The following NOS1 variants were observed in gnomAD, a reference collection of about 807,000 sequenced individuals.
The protein encoded by NOS1 is nitric oxide synthase 1, also known as NOS type I.
In NOS1, 51 loss-of-function variants were observed where a neutral mutation model predicts 164.5. The observed-to-expected ratio is 0.31, with a 90% CI of 0.25 to 0.39. The LOEUF is 0.39. Ranked by LOEUF, NOS1 falls within the 10% of genes least tolerant of loss-of-function variation. The pLI, the probability that NOS1 is intolerant of heterozygous loss-of-function variation, is 1.00. For synonymous variants in NOS1, 719 were observed against 745.8 expected (o/e 0.96, Z 0.59); for missense variants, 1,362 against 1,885.6 (o/e 0.72, Z 5.14).
At position 117,307,992 on chromosome 12, in the gene NOS1, A is replaced by G. The variant is rs887089991; in HGVS notation, c.852+3474T>C. 2.0e-5 allele frequency among the ~76,000 whole-genome samples: 3 copies of G among 149,824 alleles called. No homozygotes were observed. The South Asian group carries it at 6.4e-4, about 32-fold the overall frequency. ...ACAGCACCAGAGACTCTGTCTCACA[A>G]TAAATAATAATAATAATAATAATAA... On this transcript the variant is annotated intron_variant, in intron 3 of 28. Coordinates refer to ENST00000317775, the MANE Select transcript of NOS1 (RefSeq NM_000620.5).
chr12:117,299,348 G>T (rs957090283), intron 3 of NOS1, among the ~76,000 whole-genome samples: 2 of 152,122 alleles, frequency 1.3e-5, no homozygotes, highest in African/African-American at 4.8e-5. Context: ...ATAGAAACTT[G>T]ACATTGCTGG....
chr12:117,214,207 A>G lies in NOS1; in HGVS notation c.*1102T>C. ...CCCGCTTTGGGGGAATAAAAAAATAATAATCATATTGTTACTTGATATTGT... is the reference window on the plus strand; with the variant it reads ...CCCGCTTTGGGGGAATAAAAAAATAGTAATCATATTGTTACTTGATATTGT... On this transcript the variant is annotated 3_prime_UTR_variant, in exon 29 of 29. Coordinates refer to ENST00000317775, the MANE Select transcript of NOS1 (RefSeq NM_000620.5). 1 of 985,404 alleles carries G rather than the reference A, an allele frequency of 1.0e-6. No homozygotes were observed. Among genetic ancestry groups the G allele is most frequent in the Non-Finnish European group, 1.2e-6 (1 of 829,916 alleles). The allele number at this position is 985,404 out of a possible 1,614,324, so 61.0% of individuals were successfully genotyped here. A position where few individuals can be genotyped will look rare whatever the true frequency, so the allele number is the denominator to read the frequency against.
In NOS1 at chr12:117,227,640, C is replaced by A; in HGVS notation, c.3407G>T (p.Gly1136Val). ...EKQRLLVLSK[G>V]LQEYEEWKWG... ...TTTCCATTCCTCGTACTCCTGCAAA[C>A]CCTGTGCCAAGGAGATGGACAGAGA... The change falls in exon 23 of 29, where the codon GGT becomes GTT. Residue 1136 changes from glycine (G) to valine (V), a missense_variant and splice_region_variant. Gly to Val is a moderately radical substitution (Grantham distance 109). Around this residue, in one of 4 missense-constraint regions of NOS1, gnomAD observed 737 missense variants for 1,030.3 expected, o/e 0.72. Transcript: ENST00000317775. 1 of 1,614,026 alleles carries A rather than the reference C, an allele frequency of 6.2e-7. No individual in the cohort carries two copies. The highest frequency in any genetic ancestry group is 8.5e-7 in the Non-Finnish European group (1 of 1,179,894).
chr12:117,295,194 C>T (rs955529165), intron 3 of NOS1, among the ~76,000 whole-genome samples: 1 of 152,246 alleles, frequency 6.6e-6, no homozygotes, highest in Non-Finnish European at 1.5e-5. Context: ...AAGCATCTTA[C>T]AGCTGCTTCT....
At position 117,299,365 on chromosome 12, in the gene NOS1, G is replaced by A. The variant is rs572139305; in HGVS notation, c.853-8939C>T. On this transcript the variant is annotated intron_variant, in intron 3 of 28. Transcript: ENST00000317775. The stretch of plus-strand genomic sequence containing the variant: ...AGAAACTTGACATTGCTGGCCGGGC[G>A]CGGTGGCTCACGCCTGTAATCCCAG... Among the ~76,000 whole-genome samples, 8 of 152,254 alleles carry A rather than the reference G, an allele frequency of 5.3e-5. No individual in the cohort carries two copies. The East Asian group carries it at 7.7e-4, about 15-fold the overall frequency.
At chr12:117,249,993 G>A (rs2135963778) in intron 17 of NOS1, among the ~76,000 whole-genome samples, 1 of 152,260 alleles carries the variant, frequency 6.6e-6, no homozygotes, top group African/African-American at 2.4e-5. Flanking sequence ...ATAAACCATG[G>A]AGTGGGGCTA....
Position 117,331,148 on chromosome 12 carries a change from G to C in NOS1, c.-79C>G, listed in dbSNP as rs1875527903. On this transcript the variant is annotated 5_prime_UTR_variant, in exon 2 of 29. Coordinates refer to ENST00000317775, the MANE Select transcript of NOS1 (RefSeq NM_000620.5). The stretch of plus-strand genomic sequence containing the variant: ...AAGATGATTTCACCAGGAGGATCCA[G>C]GCTTCAGGCTACACGGAGAGCAGGA... 1.1e-5 allele frequency: 16 copies of C among 1,522,012 alleles called. No homozygotes were observed. In the Admixed American group the frequency reaches 3.1e-4, roughly 29 times the overall value. The allele number at this position is 1,522,012 out of a possible 1,614,324, so 94.3% of individuals were successfully genotyped here.
intron 11 of NOS1, among the ~76,000 whole-genome samples, chr12:117,267,098 A>G (rs951595367): frequency 1.3e-5 from 2 of 152,032 alleles, no homozygotes; most frequent in Non-Finnish European, 2.9e-5. Flanking sequence ...TAACACATTC[A>G]TTCTGCTGGC....
intron 1 of NOS1, among the ~76,000 whole-genome samples, chr12:117,346,913 GC>G (rs1314450490): frequency 1.3e-5 from 2 of 151,970 alleles, no homozygotes; most frequent in South Asian, 2.1e-4. Flanking sequence ...ATCAAAGACA[GC>G]CCATAGGTAT....
chr12:117,237,617 G>A lies in NOS1; in HGVS notation c.3042-2859C>T, dbSNP rs373529880. Among the ~76,000 whole-genome samples, 12 of 152,046 alleles carry A rather than the reference G, an allele frequency of 7.9e-5. No homozygotes were observed. The East Asian group carries it at 1.7e-3, about 22-fold the overall frequency. On this transcript the variant is annotated intron_variant, in intron 20 of 28. Coordinates refer to ENST00000317775, the MANE Select transcript of NOS1 (RefSeq NM_000620.5). ...CATCACATATACACACATGCTTGGC[G>A]GTGGCTCAATGATAGGTTTGCAGAT...
chr12:117,236,402 G>T (rs895691995), intron 20 of NOS1, among the ~76,000 whole-genome samples: 7 of 151,984 alleles, frequency 4.6e-5, no homozygotes, highest in Non-Finnish European at 1.0e-4. Flanking sequence ...ACATTATTTT[G>T]GGGGAGGAAA....
Position 117,310,934 on chromosome 12 carries a change from C to T in NOS1, c.852+532G>A, listed in dbSNP as rs368379208. ...AGGCTGGAGTGCAGTGGTGCAATCT[C>T]GGCTCACTGCAAGTTCCGCCTCCCA... On this transcript the variant is annotated intron_variant, in intron 3 of 28. Transcript: ENST00000317775. Among the ~76,000 whole-genome samples the T allele has an allele frequency of 2.4e-3, 362 of 152,172 alleles. 1 individual carries two copies. Among genetic ancestry groups the T allele is most frequent in the African/African-American group, 8.5e-3 (351 of 41,512 alleles).
intron 1 of NOS1, among the ~76,000 whole-genome samples, chr12:117,360,467 C>T (rs1403874565): frequency 6.6e-6 from 1 of 152,256 alleles, no homozygotes; most frequent in Non-Finnish European, 1.5e-5. Flanking sequence ...CCCTCGGCCT[C>T]CCTAGAGCCT....
chr12:117,277,247 T>C (rs1873261346), intron 9 of NOS1, among the ~76,000 whole-genome samples: 1 of 151,982 alleles, frequency 6.6e-6, no homozygotes, highest in African/African-American at 2.4e-5. Context: ...TTTACAACTC[T>C]ATCTTGATCA....
chr12:117,286,470 T>C (rs1317593647), intron 5 of NOS1, among the ~76,000 whole-genome samples: 1 of 152,084 alleles, frequency 6.6e-6, no homozygotes, highest in Non-Finnish European at 1.5e-5. Context: ...TAGATATAAG[T>C]CAACCAGCTG....
At chr12:117,337,908 A>G (rs1205531883) in intron 1 of NOS1, among the ~76,000 whole-genome samples, 1 of 151,962 alleles carries the variant, frequency 6.6e-6, no homozygotes, top group Admixed American at 6.6e-5. Context: ...GTGATATCCC[A>G]TTTCTACAAA....
intron 27 of NOS1, among the ~76,000 whole-genome samples, chr12:117,219,591 G>A (rs1956668207): frequency 1.3e-5 from 2 of 152,184 alleles, no homozygotes; most frequent in East Asian, 3.8e-4. Flanking sequence ...ATAGGCGTGA[G>A]CCACCGAGCC....
At chr12:117,309,371 G>A in intron 3 of NOS1, 3 of 985,426 alleles carry the variant, frequency 3.0e-6, no homozygotes, top group Non-Finnish European at 3.6e-6. Flanking sequence ...GCTAAGGAAA[G>A]CAGTTACCAC....
In NOS1 at chr12:117,247,476, C is replaced by A; in HGVS notation, c.2695G>T (p.Ala899Ser). 4 of 1,612,502 alleles carry A rather than the reference C, an allele frequency of 2.5e-6. No homozygotes were observed. Among genetic ancestry groups the A allele is most frequent in the Non-Finnish European group, 3.4e-6 (4 of 1,179,468 alleles). ...LGSRAYPHFC[A>S]FGHAVDTLLE... ...AGGGTGTCCACAGCGTGTCCGAAGG[C>A]GCAAAAGTGAGGGTATGCTCGTGAG... The change falls in exon 18 of 29, where the codon GCC becomes TCC. Residue 899 changes from alanine (A) to serine (S), a missense_variant. Coordinates refer to ENST00000317775, the MANE Select transcript of NOS1 (RefSeq NM_000620.5).
Sources: allele counts gnomAD v4.1 joint callset (sites outside exome capture counted in the v4.1 genomes callset), GRCh38; gene constraint gnomAD v4.1.1; regional missense constraint gnomAD v4.1.1; transcripts MANE v1.5; gene names NCBI Gene and HGNC (gene_info 2026-07-23, HGNC 2026-07-21).